BMS1: variants seen among roughly 807,000 people sequenced by gnomAD.
BMS1 encodes BMS1 ribosome biogenesis factor.
Under a neutral mutation model 138.7 loss-of-function variants are expected in BMS1, and 53 were observed. That is an observed-to-expected ratio of 0.38 (90% CI 0.31 to 0.48). BMS1 has a LOEUF of 0.48. Ranked by LOEUF, BMS1 falls within the 20% of genes least tolerant of loss-of-function variation. The pLI is 0.97. For missense variants in BMS1, 1,360 were observed against 1,565.5 expected (o/e 0.87, Z 2.22); for synonymous variants, 504 against 539.9 (o/e 0.93, Z 0.92).
intron 18 of BMS1, among the ~76,000 whole-genome samples, chr10:42,821,678 G>A (rs1273199918): frequency 6.7e-6 from 1 of 148,838 alleles, no homozygotes; most frequent in East Asian, 2.0e-4. Context: ...TTAGCTTCCT[G>A]AGTAGCTGGG....
intron 3 of BMS1, 120 bp downstream of exon 3, chr10:42,785,792 T>C: frequency 8.9e-7 from 1 of 1,124,930 alleles, no homozygotes; most frequent in Non-Finnish European, 1.3e-6. Context: ...GGGACTTCTC[T>C]TATACTTAGT....
At chr10:42,811,040 A>T (rs1842159438) in intron 13 of BMS1, among the ~76,000 whole-genome samples, 1 of 125,168 alleles carries the variant, frequency 8.0e-6, no homozygotes. Flanking sequence ...CCCTTTATTT[A>T]TTATTATTAT....
intron 4 of BMS1, among the ~76,000 whole-genome samples, chr10:42,787,999 C>A (rs779371892): frequency 7.2e-5 from 11 of 152,014 alleles, no homozygotes; most frequent in Non-Finnish European, 1.0e-4. Flanking sequence ...GTGACAGACA[C>A]CTTGATTTTT....
At chr10:42,792,927 T>C (rs1841556048) in intron 7 of BMS1, 30 bp from the exon 8 acceptor site, 1 of 1,593,982 alleles carries the variant, frequency 6.3e-7, no homozygotes, top group Non-Finnish European at 8.5e-7. Flanking sequence ...TCTTGTCAGC[T>C]GAAGCTGGCT....
At chr10:42,793,179 T>G (rs1841569265) in intron 8 of BMS1, 35 bp downstream of exon 8, 3 of 1,534,808 alleles carry the variant, frequency 2.0e-6, no homozygotes, top group Non-Finnish European at 2.6e-6. Context: ...CTCTGAACTT[T>G]CAGTATTCTT....
At chr10:42,798,257 C>T (rs1290821770) in intron 11 of BMS1, among the ~76,000 whole-genome samples, 2 of 152,214 alleles carry the variant, frequency 1.3e-5, no homozygotes, top group African/African-American at 4.8e-5. Context: ...AGGAGCCCCA[C>T]ACATGTAGAG....
intron 3 of BMS1, among the ~76,000 whole-genome samples, chr10:42,786,869 G>A (rs1841348402): frequency 1.3e-5 from 2 of 152,234 alleles, no homozygotes; most frequent in Admixed American, 6.5e-5. Context: ...TGGGCCTGCA[G>A]CTGAACAGCA....
intron 15 of BMS1, among the ~76,000 whole-genome samples, chr10:42,819,077 A>C (rs1842429909): frequency 6.6e-6 from 1 of 152,220 alleles, no homozygotes; most frequent in Admixed American, 6.5e-5. Context: ...AACTGCAGAA[A>C]ACTTTTGTGG....
chr10:42,805,000 G>A (rs1841973498), intron 13 of BMS1, among the ~76,000 whole-genome samples: 1 of 152,220 alleles, frequency 6.6e-6, no homozygotes, highest in African/African-American at 2.4e-5. Flanking sequence ...TTACAGGCAT[G>A]AGCCACTGTG....
In BMS1 at chr10:42,784,354, C is replaced by T. The variant is rs181817862; in HGVS notation, c.-33-8C>T. 8.6e-5 allele frequency: 132 copies of T among 1,541,720 alleles called. No individual in the cohort carries two copies. In the African/African-American group the frequency reaches 1.6e-3, roughly 19 times the overall value. ...CCCATCTCCTTACCCCAACCTTCTTCCTTGTAGGTTAGAGTTACTTGTTAT... is the reference window on the plus strand; with the variant it reads ...CCCATCTCCTTACCCCAACCTTCTTTCTTGTAGGTTAGAGTTACTTGTTAT... On this transcript the variant is annotated splice_polypyrimidine_tract_variant and splice_region_variant and intron_variant, in intron 1 of 22. Coordinates refer to ENST00000374518, the MANE Select transcript of BMS1 (RefSeq NM_014753.4).
In BMS1 at chr10:42,830,904, T is replaced by G; in HGVS notation, c.3657T>G (p.Ser1219Arg). ...ALLDALSTVH[S>R]QKMKKAKEQR... ...TGGATGCTCTGAGTACGGTGCATAG[T>G]CAGAAGATGAAGAAGGCCAAGGAGC... Residue 1219 changes from serine (S) to arginine (R), a missense_variant, in exon 23 of 23, where the codon AGT (serine) becomes AGG (arginine). Physicochemically the swap from Ser to Arg is moderately radical, Grantham distance 110 (BLOSUM62 -1). Around this residue, in one of 3 missense-constraint regions of BMS1, gnomAD observed 425 missense variants for 568.3 expected, o/e 0.75. Transcript: ENST00000374518. 1 of 1,612,260 alleles carries G rather than the reference T, an allele frequency of 6.2e-7. No individual in the cohort carries two copies. Among genetic ancestry groups the G allele is most frequent in the East Asian group, 2.2e-5 (1 of 44,848 alleles).
At chr10:42,821,513 A>ATGGG (rs1463230388) in intron 18 of BMS1, among the ~76,000 whole-genome samples, 3 of 150,532 alleles carry the variant, frequency 2.0e-5, no homozygotes, top group African/African-American at 4.9e-5. Flanking sequence ...ATTCCTCTGA[A>ATGGG]ATCACTCTCA....
intron 21 of BMS1, among the ~76,000 whole-genome samples, chr10:42,826,237 T>TTTTGTGTG (rs1491373880): frequency 4.8e-5 from 7 of 145,648 alleles, no homozygotes; most frequent in Admixed American, 1.4e-4. Context: ...TTTTTGTTTG[T>TTTTGTGTG]TGTGTGTGTG....
At chr10:42,825,223 G>A (rs1842604248) in intron 21 of BMS1, among the ~76,000 whole-genome samples, 2 of 152,058 alleles carry the variant, frequency 1.3e-5, no homozygotes, top group Admixed American at 6.6e-5. Flanking sequence ...TTGCTGGGCT[G>A]GTCTCCAACT....
chr10:42,803,378 A>G (rs989593684), intron 13 of BMS1, among the ~76,000 whole-genome samples: 1 of 152,096 alleles, frequency 6.6e-6, no homozygotes, highest in African/African-American at 2.4e-5. Context: ...GGCTTAAGCA[A>G]TCTTCCCGCC....
At chr10:42,814,497 A>G (rs990556871) in intron 13 of BMS1, among the ~76,000 whole-genome samples, 3 of 151,920 alleles carry the variant, frequency 2.0e-5, no homozygotes, top group Non-Finnish European at 4.4e-5. Flanking sequence ...GTTTGTTGCC[A>G]TAGGATTTGT....
rs781081127 is a variant in BMS1, at chr10:42,820,636, A to G, written c.2898A>G (p.Gln966=). 34 of 1,611,896 alleles carry G rather than the reference A, an allele frequency of 2.1e-5. No individual in the cohort carries two copies. Among genetic ancestry groups the G allele is most frequent in the African/African-American group, 2.7e-5 (2 of 74,848 alleles). The change falls in exon 17 of 23, where the codon CAA becomes CAG. Residue 966 remains glutamine (Q), a synonymous_variant. Transcript: ENST00000374518. ...LYYIEDHNGR[Q]RLLKYTPQHM... ...ATATCGAAGACCACAATGGAAGACAAAGGCTTCTAAAGTATACCCCACAGC... is the reference window on the plus strand; with the variant it reads ...ATATCGAAGACCACAATGGAAGACAGAGGCTTCTAAAGTATACCCCACAGC...
chr10:42,796,770 AGAG>A lies in BMS1; in HGVS notation c.1530_1532del (p.Arg510del). 8 of 1,614,220 alleles carry A rather than the reference AGAG, an allele frequency of 5.0e-6. No homozygotes were observed. The highest frequency in any genetic ancestry group is 6.8e-6 in the Non-Finnish European group (8 of 1,180,030). On this transcript the variant is annotated inframe_deletion, in exon 10 of 23. Coordinates refer to ENST00000374518, the MANE Select transcript of BMS1 (RefSeq NM_014753.4). The stretch of plus-strand genomic sequence containing the variant: ...TTTGCTGACAGTGACGATGACCTTG[AGAG>A]GAGCTCAGCGGAAGAAGGGGAAGCG...
chr10:42,802,362 A>G (rs1029945738), intron 13 of BMS1, 144 bp downstream of exon 13: 4 of 633,184 alleles, frequency 6.3e-6, no homozygotes, highest in African/African-American at 5.6e-5. Context: ...ACCAGGTAAT[A>G]TTCTGGGTTT....
Sources: allele counts gnomAD v4.1 joint callset (sites outside exome capture counted in the v4.1 genomes callset), GRCh38; gene constraint gnomAD v4.1.1; regional missense constraint gnomAD v4.1.1; transcripts MANE v1.5; gene names NCBI Gene and HGNC (gene_info 2026-07-23, HGNC 2026-07-21).